The following FER1L5 variants were observed in gnomAD, a reference collection of about 807,000 sequenced individuals.
FER1L5 encodes fer-1 like family member 5, also known as fer-1-like protein 5.
A neutral mutation model predicts 279.9 loss-of-function variants in FER1L5; 187 were observed. That is an observed-to-expected ratio of 0.67 (90% CI 0.59 to 0.75). The LOEUF (loss-of-function observed/expected upper bound fraction) is 0.75. FER1L5 is among the 30% of genes least tolerant of loss of function. FER1L5 has a pLI of 0.00. For missense variants in FER1L5, 2,091 were observed against 2,594.4 expected (o/e 0.81, Z 4.21); for synonymous variants, 921 against 989.7 (o/e 0.93, Z 1.30).
chr2:96,659,291 TTCC>T (rs1558852477), intron 9 of FER1L5, among the ~76,000 whole-genome samples: 5 of 27,612 alleles, frequency 1.8e-4, no homozygotes, highest in Admixed American at 4.8e-4. Flanking sequence ...TTATCAAGCT[TTCC>T]TTCCTTCCTT....
intron 19 of FER1L5, among the ~76,000 whole-genome samples, chr2:96,682,790 C>T (rs1047891978): frequency 6.6e-6 from 1 of 152,220 alleles, no homozygotes; most frequent in Non-Finnish European, 1.5e-5. Context: ...ATTGTAGCCT[C>T]AAACTCCTGG....
In FER1L5 at chr2:96,665,882, G is replaced by A. The variant is rs543255933; in HGVS notation, c.1140+2375G>A. On this transcript the variant is annotated intron_variant, in intron 14 of 52. Coordinates refer to ENST00000624922, the MANE Select transcript of FER1L5 (RefSeq NM_001293083.2). The stretch of plus-strand genomic sequence containing the variant: ...ATTACAGGTGTGAGCCACCATGCCC[G>A]GCCCTGTTCATCTTCTTACAGGCTC... Among the ~76,000 whole-genome samples, 5 of 152,102 alleles carry A rather than the reference G, an allele frequency of 3.3e-5. No individual in the cohort carries two copies. In the East Asian group the frequency reaches 7.8e-4, roughly 24 times the overall value.
intron 9 of FER1L5, among the ~76,000 whole-genome samples, chr2:96,655,260 A>C (rs923672998): frequency 1.3e-5 from 2 of 152,232 alleles, no homozygotes; most frequent in African/African-American, 4.8e-5. Flanking sequence ...CTGAGAGATT[A>C]GGAGAGTTTA....
In FER1L5 at chr2:96,689,539, A is replaced by G. The variant is rs1253574738; in HGVS notation, c.2526-105A>G. The G allele has an allele frequency of 1.4e-6, 2 of 1,425,770 alleles. No individual in the cohort carries two copies. The highest frequency in any genetic ancestry group is 1.9e-6 in the Non-Finnish European group (2 of 1,035,946). 88.3% of individuals were successfully genotyped at this position (1,425,770 alleles called of 1,614,324 possible). A position where few individuals can be genotyped will look rare whatever the true frequency, so the allele number is the denominator to read the frequency against. On this transcript the variant is annotated intron_variant, in intron 25 of 52. Transcript: ENST00000624922. This position sits in a 1 kb window ranked among gnomAD's most constrained non-coding sequence, Gnocchi z 4.6. ...CCCACCACCCTGTCCTGCCCAGAGC[A>G]GGTGGGGATGGGATGCCAGGTATGG... is the stretch of plus-strand genomic sequence containing the variant.
At chr2:96,699,833 A>C in intron 43 of FER1L5, 99 bp from the exon 44 acceptor site, 1 of 1,577,476 alleles carries the variant, frequency 6.3e-7, no homozygotes, top group Non-Finnish European at 8.6e-7. Flanking sequence ...AGACCTGCCC[A>C]GTCTCCACCC....
In FER1L5 at chr2:96,686,419, G is replaced by A. The variant is rs1011716874; in HGVS notation, c.2229+69G>A. ...GCCCCCAGGGGAGCCCCCTGAACTC[G>A]CAGGGCAGCCCCTATGGGGCCTGTT... On this transcript the variant is annotated intron_variant, in intron 23 of 52. Coordinates refer to ENST00000624922, the MANE Select transcript of FER1L5 (RefSeq NM_001293083.2). 14 of 1,486,944 alleles carry A rather than the reference G, an allele frequency of 9.4e-6. No homozygotes were observed. In the East Asian group the frequency reaches 1.2e-4, roughly 13 times the overall value. The allele number at this position is 1,486,944 out of a possible 1,614,324, so 92.1% of individuals were successfully genotyped here. A position where few individuals can be genotyped will look rare whatever the true frequency, so the allele number is the denominator to read the frequency against.
At chr2:96,646,541 T>G in intron 2 of FER1L5, 88 bp downstream of exon 2, 3 of 1,361,806 alleles carry the variant, frequency 2.2e-6, no homozygotes, top group Non-Finnish European at 3.1e-6. Flanking sequence ...CTCAGAGGTC[T>G]AGGGAGAGGA....
Position 96,695,675 on chromosome 2 carries a change from G to A in FER1L5, c.3894+14G>A, listed in dbSNP as rs1363001898. The A allele has an allele frequency of 6.2e-7, 1 of 1,605,546 alleles. No individual in the cohort carries two copies. Among genetic ancestry groups the A allele is most frequent in the Admixed American group, 1.7e-5 (1 of 58,962 alleles). On this transcript the variant is annotated intron_variant, in intron 35 of 52. Coordinates refer to ENST00000624922, the MANE Select transcript of FER1L5 (RefSeq NM_001293083.2). ...GTCCTCACAGTGGTAAGAGGCCCCA[G>A]GGCAGGGGCTGGGCAGCCCTCTTCT... is the stretch of plus-strand genomic sequence containing the variant.
rs537131597 is a variant in FER1L5, at chr2:96,694,344, C to T, written c.3637-16C>T. 1.1e-4 allele frequency: 173 copies of T among 1,539,688 alleles called. No individual in the cohort carries two copies. Among genetic ancestry groups the T allele is most frequent in the Non-Finnish European group, 1.5e-4 (167 of 1,140,548 alleles). On this transcript the variant is annotated splice_polypyrimidine_tract_variant and intron_variant, in intron 33 of 52. Transcript: ENST00000624922. The surrounding 1 kb of genome is among the most constrained non-coding windows in gnomAD (Gnocchi z 4.6). ...GGACCAGCCCAGAGGGCCTCATGCT[C>T]CCTGCCCTCCCCCAGAAGCTTGGAG...
Position 96,647,765 on chromosome 2 carries a change from C to A in FER1L5, c.231-13C>A, listed in dbSNP as rs767752398. On this transcript the variant is annotated splice_polypyrimidine_tract_variant and intron_variant, in intron 3 of 52. Coordinates refer to ENST00000624922, the MANE Select transcript of FER1L5 (RefSeq NM_001293083.2). ...CTGGCTCAGGATCTCACATCTGCTC[C>A]TTGTCTCCCCAGATTCATTGGCCTG... is the stretch of plus-strand genomic sequence containing the variant. 1.9e-6 allele frequency: 3 copies of A among 1,543,358 alleles called. No homozygotes were observed. The South Asian group carries it at 3.6e-5, about 18-fold the overall frequency.
chr2:96,685,151 G>C (rs1363787084), intron 20 of FER1L5, among the ~76,000 whole-genome samples, 178 bp from the exon 21 acceptor site: 1 of 152,166 alleles, frequency 6.6e-6, no homozygotes, highest in Non-Finnish European at 1.5e-5. Flanking sequence ...AAGCAGGAAG[G>C]ATGTGGGGGG....
At chr2:96,692,304 G>A in intron 31 of FER1L5, 123 bp downstream of exon 31, 1 of 1,030,780 alleles carries the variant, frequency 9.7e-7, no homozygotes, top group South Asian at 1.5e-5. Flanking sequence ...CTGCCTGTCG[G>A]CCCCTCACCA....
At chr2:96,651,292 T>TTTCA (rs1447144296) in intron 6 of FER1L5, among the ~76,000 whole-genome samples, 1 of 146,102 alleles carries the variant, frequency 6.8e-6, no homozygotes, top group African/African-American at 2.5e-5. Flanking sequence ...TCTTTCTTTC[T>TTTCA]TTCTTTCTTC....
chr2:96,646,419 G>A lies in FER1L5; in HGVS notation c.104G>A (p.Arg35His), dbSNP rs1411645052. The change falls in exon 2 of 53, where the codon CGT becomes CAT. Residue 35 changes from arginine (R) to histidine (H), a missense_variant. Physicochemically the swap from Arg to His is conservative, Grantham distance 29 (BLOSUM62 0). Transcript: ENST00000624922. ...TTTGCAGATATCAAGAAAAGAACTC[G>A]TGTGGTGGAAGGGAATGATCCCGTG... is the stretch of plus-strand genomic sequence containing the variant. ...IDFRDIKKRT[R>H]VVEGNDPVWN... 1.8e-5 allele frequency: 28 copies of A among 1,551,606 alleles called. No individual in the cohort carries two copies. Among genetic ancestry groups the A allele is most frequent in the African/African-American group, 2.7e-5 (2 of 73,010 alleles).
chr2:96,644,817 G>A (rs940923858), intron 1 of FER1L5, among the ~76,000 whole-genome samples: 1 of 152,188 alleles, frequency 6.6e-6, no homozygotes, highest in African/African-American at 2.4e-5. Context: ...AAGAGGGGCG[G>A]TGGGAGTTCA....
At chr2:96,647,212 T>G in intron 3 of FER1L5, 57 bp downstream of exon 3, 1 of 1,497,742 alleles carries the variant, frequency 6.7e-7, no homozygotes, top group Non-Finnish European at 9.1e-7. Context: ...CAGCAAGTTA[T>G]GTGATCCTTG....
chr2:96,688,814 C>T (rs2077031915), intron 24 of FER1L5, among the ~76,000 whole-genome samples: 1 of 152,054 alleles, frequency 6.6e-6, no homozygotes, highest in South Asian at 2.1e-4. Flanking sequence ...TCACTGCAGA[C>T]CCTGGGGAGC....
intron 12 of FER1L5, 136 bp from the exon 13 acceptor site, chr2:96,662,079 G>T: frequency 2.2e-6 from 2 of 889,516 alleles, no homozygotes; most frequent in Non-Finnish European, 3.5e-6. Flanking sequence ...GGGCATGGTG[G>T]GAACTGGAGA....
At chr2:96,663,630 GCC>G in intron 14 of FER1L5, 123 bp downstream of exon 14, 1 of 1,048,620 alleles carries the variant, frequency 9.5e-7, no homozygotes, top group Non-Finnish European at 1.4e-6. Context: ...GGGGGACTCT[GCC>G]TGATAGGGAG....
Sources: gnomAD v4.1 joint callset for allele counts (sites outside exome capture counted in the v4.1 genomes callset) on GRCh38, gnomAD v4.1.1 for gene constraint, Gnocchi (gnomAD v3.1) non-coding constraint, MANE v1.5 for transcripts, NCBI Gene and HGNC (gene_info 2026-07-23, HGNC 2026-07-21) for gene names.